The following CACNA1I variants were observed in gnomAD, a reference collection of about 807,000 sequenced individuals.
CACNA1I encodes the protein calcium voltage-gated channel subunit alpha1 I, also known as voltage-dependent T-type calcium channel subunit alpha-1I.
A neutral mutation model predicts 201.6 loss-of-function variants in CACNA1I; 74 were observed. That is an observed-to-expected ratio of 0.37 (90% confidence interval 0.30 to 0.45). The LOEUF (loss-of-function observed/expected upper bound fraction) is 0.45. Among genes scored for constraint, CACNA1I ranks in the 20% least tolerant of loss-of-function variants. The pLI is 1.00. For synonymous variants in CACNA1I, 1,431 were observed against 1,345.2 expected, an observed-to-expected ratio of 1.06 and a Z score of -1.40; for missense variants, 2,346 against 3,138.1, an observed-to-expected ratio of 0.75 and a Z score of 6.03.
intron 1 of CACNA1I, among the ~76,000 whole-genome samples, chr22:39,597,574 C>A (rs1480518220): frequency 6.6e-6 from 1 of 152,240 alleles, no homozygotes; most frequent in African/African-American, 2.4e-5. Flanking sequence ...CCATGTGGTG[C>A]AGGCCAGGGC....
chr22:39,649,818 A>G lies in CACNA1I; in HGVS notation c.1885A>G (p.Thr629Ala). Residue 629 changes from threonine (T) to alanine (A), a missense_variant, in exon 10 of 37, where the codon ACG (threonine) becomes GCG (alanine). This residue lies in a region of CACNA1I where 312 missense variants were observed against 331.5 expected (regional missense o/e 0.94). Transcript: ENST00000402142. The surrounding 1 kb of genome is among the most constrained non-coding windows in gnomAD (Gnocchi z 7.3). ...GCTGTGCGGGGATGTGTGGCGGGAG[A>G]CGCGAGCCAAGCTGCGCGGCATCGT... ...VWLCGDVWRE[T>A]RAKLRGIVDS... 1 of 1,611,848 alleles carries G rather than the reference A, an allele frequency of 6.2e-7. No homozygotes were observed.
intron 8 of CACNA1I, 70 bp downstream of exon 8, chr22:39,646,951 C>A: frequency 7.0e-7 from 1 of 1,438,408 alleles, no homozygotes; most frequent in South Asian, 1.5e-5. Context: ...CCAGCACGTC[C>A]AGCAGGCCCA....
chr22:39,684,198 C>T lies in CACNA1I; in HGVS notation c.5831-104C>T, dbSNP rs918265894. Reference sequence around the variant, plus strand: ...TCTCACAGTCAGTTTATTAGGTGGCCCCTCACTGCTGGCCCAGTGAGATTG... The same window carrying T: ...TCTCACAGTCAGTTTATTAGGTGGCTCCTCACTGCTGGCCCAGTGAGATTG... On this transcript the variant is annotated intron_variant, in intron 35 of 36. Transcript: ENST00000402142. The surrounding 1 kb of genome is among the most constrained non-coding windows in gnomAD (Gnocchi z 4.6). 1.1e-6 allele frequency: 1 copy of T among 882,658 alleles called. No homozygotes were observed. The highest frequency in any genetic ancestry group is 1.8e-6 in the Non-Finnish European group (1 of 555,988). 54.7% of individuals were successfully genotyped at this position (882,658 alleles called of 1,614,324 possible).
At chr22:39,644,534 A>G (rs1313830724) in intron 7 of CACNA1I, among the ~76,000 whole-genome samples, 1 of 152,202 alleles carries the variant, frequency 6.6e-6, no homozygotes, top group Non-Finnish European at 1.5e-5. Flanking sequence ...TTTTTCAGAC[A>G]CTGGGAAGGG....
chr22:39,686,606 A>G lies in CACNA1I; in HGVS notation c.*201A>G, dbSNP rs928552844. ...ATGGTGGCCCTTCCAGTGCATATAC[A>G]TACATATATATATATATATGCATAT... On this transcript the variant is annotated 3_prime_UTR_variant, in exon 37 of 37. Coordinates refer to ENST00000402142, the MANE Select transcript of CACNA1I (RefSeq NM_021096.4). 45 of 99,266 alleles carry G rather than the reference A, an allele frequency of 4.5e-4. No individual in the cohort carries two copies. Among genetic ancestry groups the G allele is most frequent in the Middle Eastern group, 4.7e-3 (1 of 214 alleles). The allele number at this position is 99,266 out of a possible 1,614,324, so 6.1% of individuals were successfully genotyped here.
At chr22:39,584,242 G>A (rs148087308) in intron 1 of CACNA1I, among the ~76,000 whole-genome samples, 5 of 152,292 alleles carry the variant, frequency 3.3e-5, no homozygotes, top group Admixed American at 6.5e-5. Context: ...ACAGATCTCC[G>A]AGATAGATGT....
rs35332612 is a variant in CACNA1I, at chr22:39,588,128, A to ATTTT, written c.237-10004_237-10001dup. ...TTTTTCCTTAAAGCAGTTGCTCTTC[A>ATTTT]TTTTTTTTTTTTTTTTTTTTTTGAG... On this transcript the variant is annotated intron_variant, in intron 1 of 36. Coordinates refer to ENST00000402142, the MANE Select transcript of CACNA1I (RefSeq NM_021096.4). Among the ~76,000 whole-genome samples the ATTTT allele has an allele frequency of 8.4e-3, 756 of 90,534 alleles. 18 individuals carry two copies. The highest frequency in any genetic ancestry group is 0.012 in the Non-Finnish European group (568 of 47,804). 59.4% of individuals were successfully genotyped at this position (90,534 alleles called of 152,430 possible).
At chr22:39,626,787 G>A (rs1406995991) in intron 4 of CACNA1I, among the ~76,000 whole-genome samples, 2 of 152,136 alleles carry the variant, frequency 1.3e-5, no homozygotes, top group African/African-American at 2.4e-5. Context: ...AGTAGAGACG[G>A]GGTTTCACCA....
chr22:39,628,708 T>G (rs1933964872), intron 4 of CACNA1I, among the ~76,000 whole-genome samples: 1 of 152,050 alleles, frequency 6.6e-6, no homozygotes, highest in Admixed American at 6.5e-5. Context: ...GTGCTCCTGA[T>G]TAGTTGGCGC....
Position 39,686,168 on chromosome 22 carries a change from C to T in CACNA1I, c.6435C>T (p.Pro2145=), listed in dbSNP as rs1287127648. 4.7e-6 allele frequency: 6 copies of T among 1,287,754 alleles called. No individual in the cohort carries two copies. The highest frequency in any genetic ancestry group is 3.3e-5 in the East Asian group (1 of 30,250). 79.8% of individuals were successfully genotyped at this position (1,287,754 alleles called of 1,614,324 possible). A position where few individuals can be genotyped will look rare whatever the true frequency, so the allele number is the denominator to read the frequency against. The change falls in exon 37 of 37, where the codon CCC becomes CCT. Residue 2145 remains proline, a synonymous_variant. Transcript: ENST00000402142. ...GCCCGCCGCCCCCGCCGCCAGCCCC[C>T]GGCCTCACGCCCGCCAGGAAGTTCA... ...LFCPPPPPPA[P]GLTPARKFSS...
At chr22:39,668,648 G>T (rs1231178645) in intron 24 of CACNA1I, among the ~76,000 whole-genome samples, 1 of 152,188 alleles carries the variant, frequency 6.6e-6, no homozygotes, top group East Asian at 1.9e-4. Context: ...TGCCTGGAAG[G>T]GTGCAGAGCC....
intron 1 of CACNA1I, among the ~76,000 whole-genome samples, chr22:39,585,392 T>C (rs1485619207): frequency 6.0e-4 from 83 of 138,560 alleles, no homozygotes; most frequent in Middle Eastern, 3.6e-3. Flanking sequence ...CTTTCTTTTT[T>C]TTTTTTTTTT....
rs1487947498 is a variant in CACNA1I at position 39,686,521 on chromosome 22, G to T, written c.*116G>T. The T allele has an allele frequency of 4.9e-6, 4 of 813,078 alleles. No individual in the cohort carries two copies. In the African/African-American group the frequency reaches 7.2e-5, roughly 15 times the overall value. 50.4% of individuals were successfully genotyped at this position (813,078 alleles called of 1,614,324 possible). ...ACCTGGGATCGCGCAGGGCCCGCAG[G>T]GCACAGGCGCCCGACAGCCGGGCTG... On this transcript the variant is annotated 3_prime_UTR_variant, in exon 37 of 37. Transcript: ENST00000402142.
chr22:39,649,423 C>A lies in CACNA1I; in HGVS notation c.1568-78C>A, dbSNP rs781518446. 2.2e-6 allele frequency: 3 copies of A among 1,370,374 alleles called. No individual in the cohort carries two copies. Among genetic ancestry groups the A allele is most frequent in the African/African-American group, 1.5e-5 (1 of 66,108 alleles). 84.9% of individuals were successfully genotyped at this position (1,370,374 alleles called of 1,614,324 possible). A position where few individuals can be genotyped will look rare whatever the true frequency, so the allele number is the denominator to read the frequency against. On this transcript the variant is annotated intron_variant, in intron 9 of 36. Transcript: ENST00000402142. This position sits in a 1 kb window ranked among gnomAD's most constrained non-coding sequence, Gnocchi z 7.3. ...CAGACCTGTGGGCCTGGGAGCCAAG[C>A]GCACTCAGGGATGTGTCCCAGGGTG... is the stretch of plus-strand genomic sequence containing the variant.
intron 3 of CACNA1I, among the ~76,000 whole-genome samples, chr22:39,605,621 A>G (rs1478716868): frequency 6.6e-6 from 1 of 152,202 alleles, no homozygotes; most frequent in Non-Finnish European, 1.5e-5. Context: ...ACAGAAATAA[A>G]ACACATCACC....
chr22:39,589,551 G>A (rs1932798025), intron 1 of CACNA1I, among the ~76,000 whole-genome samples: 1 of 152,366 alleles, frequency 6.6e-6, no homozygotes, highest in Non-Finnish European at 1.5e-5. Flanking sequence ...CATCACGGGT[G>A]GTCCTGGAAC....
chr22:39,657,017 G>T (rs1934845977), intron 10 of CACNA1I, among the ~76,000 whole-genome samples: 1 of 152,156 alleles, frequency 6.6e-6, no homozygotes, highest in South Asian at 2.1e-4. Context: ...AGGCTTGGAT[G>T]AATTGGTTCC....
intron 1 of CACNA1I, among the ~76,000 whole-genome samples, chr22:39,573,597 C>T (rs1317419206): frequency 1.3e-5 from 2 of 152,148 alleles, no homozygotes; most frequent in Non-Finnish European, 2.9e-5. Context: ...GGGTGTTAGC[C>T]ACACACGCCA....
chr22:39,593,029 C>G (rs1292768109), intron 1 of CACNA1I, among the ~76,000 whole-genome samples: 1 of 152,232 alleles, frequency 6.6e-6, no homozygotes, highest in East Asian at 1.9e-4. Context: ...GCTTTGCCAT[C>G]TGGGATTTCC....
Sources: gnomAD v4.1 joint callset for allele counts (sites outside exome capture counted in the v4.1 genomes callset) on GRCh38, gnomAD v4.1.1 for gene constraint, gnomAD v4.1.1 regional missense constraint, Gnocchi (gnomAD v3.1) non-coding constraint, MANE v1.5 for transcripts, NCBI Gene and HGNC (gene_info 2026-07-23, HGNC 2026-07-21) for gene names.